The following CLNK variants were observed in gnomAD, a reference collection of about 807,000 sequenced individuals.
CLNK encodes cytokine dependent hematopoietic cell linker.
CLNK carries 74 observed loss-of-function variants against 68.6 expected under a neutral mutation model. The observed-to-expected ratio is 1.08, with a 90% CI of 0.89 to 1.31. The LOEUF is 1.31. Among genes scored for constraint, CLNK ranks in the 50% most tolerant of loss-of-function variants. CLNK has a pLI of 0.00. For missense variants in CLNK, 553 were observed against 515.3 expected (o/e 1.07, Z -0.71); for synonymous variants, 198 against 172.2 (o/e 1.15, Z -1.17).
chr4:10,525,690 C>A (rs949641699), intron 14 of CLNK, 151 bp downstream of exon 14: 2 of 568,416 alleles, frequency 3.5e-6, no homozygotes, highest in Non-Finnish European at 6.3e-6. Context: ...TCAATAACAG[C>A]TGTGATTCAC....
chr4:10,595,875 C>T (rs552708929), intron 3 of CLNK, among the ~76,000 whole-genome samples: 9 of 152,284 alleles, frequency 5.9e-5, no homozygotes, highest in South Asian at 4.2e-4. Context: ...GCACCTAGCA[C>T]ATAGTGAGCA....
intron 6 of CLNK, among the ~76,000 whole-genome samples, chr4:10,565,034 C>A (rs1007050017): frequency 1.3e-5 from 2 of 152,142 alleles, no homozygotes; most frequent in Non-Finnish European, 2.9e-5. Flanking sequence ...TTCTATAAAT[C>A]TTACAAAATT....
chr4:10,630,644 C>G (rs1191090507), intron 2 of CLNK, among the ~76,000 whole-genome samples: 1 of 151,948 alleles, frequency 6.6e-6, no homozygotes, highest in East Asian at 1.9e-4. Flanking sequence ...TTCCAATTTC[C>G]TATCTATCTA....
At chr4:10,531,615 A>G (rs1553847542) in intron 12 of CLNK, 4 of 380,564 alleles carry the variant, frequency 1.1e-5, no homozygotes, top group Non-Finnish European at 2.1e-5. Flanking sequence ...CTAATTTTGT[A>G]TTTTTTGTAG....
intron 2 of CLNK, among the ~76,000 whole-genome samples, chr4:10,641,758 T>A (rs988673920): frequency 6.6e-6 from 1 of 152,200 alleles, no homozygotes; most frequent in Non-Finnish European, 1.5e-5. Context: ...CCAAATCTCA[T>A]CTTGAATTGT....
chr4:10,591,025 T>C (rs1251083082), intron 3 of CLNK, among the ~76,000 whole-genome samples: 1 of 152,176 alleles, frequency 6.6e-6, no homozygotes. Flanking sequence ...GACACATCTC[T>C]CCACCACTCA....
chr4:10,583,167 T>A (rs1221695408), intron 4 of CLNK, among the ~76,000 whole-genome samples: 1 of 152,242 alleles, frequency 6.6e-6, no homozygotes, highest in Non-Finnish European at 1.5e-5. Flanking sequence ...ATATCTTAAT[T>A]AGATCAGGTC....
chr4:10,573,769 G>A (rs948536974), intron 4 of CLNK, among the ~76,000 whole-genome samples: 2 of 152,098 alleles, frequency 1.3e-5, no homozygotes, highest in African/African-American at 4.8e-5. Context: ...CTCACCAGAG[G>A]CGAGCGTTCC....
chr4:10,561,944 C>T (rs1261992408), intron 7 of CLNK, among the ~76,000 whole-genome samples: 3 of 152,082 alleles, frequency 2.0e-5, no homozygotes, highest in Admixed American at 1.3e-4. Flanking sequence ...CTATGGAGAA[C>T]CTCTTACAAA....
the CLNK span, among the ~76,000 whole-genome samples, chr4:10,703,743 C>A: frequency 6.6e-6 from 1 of 152,116 alleles, no homozygotes; most frequent in Non-Finnish European, 1.5e-5. Flanking sequence ...TCCTAGGCAA[C>A]AAATATGTAT....
chr4:10,613,703 G>T (rs79886685), intron 2 of CLNK, among the ~76,000 whole-genome samples: 2 of 152,188 alleles, frequency 1.3e-5, no homozygotes, highest in South Asian at 2.1e-4. Flanking sequence ...AACCCCAGCA[G>T]GAGATGGAAC....
the CLNK span, among the ~76,000 whole-genome samples, chr4:10,699,486 C>A: frequency 6.7e-3 from 441 of 66,124 alleles, 3 homozygotes; most frequent in Non-Finnish European, 1.0e-2. Context: ...CTCTCTCTCT[C>A]TCTCTCTCTA....
intron 11 of CLNK, among the ~76,000 whole-genome samples, chr4:10,533,539 C>T (rs987414099): frequency 2.0e-5 from 3 of 152,138 alleles, no homozygotes; most frequent in African/African-American, 7.2e-5. Context: ...ATCCCAGTGT[C>T]GGATCTGCAA....
the CLNK span, among the ~76,000 whole-genome samples, chr4:10,691,125 G>A: frequency 6.6e-6 from 1 of 152,140 alleles, no homozygotes; most frequent in Non-Finnish European, 1.5e-5. Context: ...AAACCCATGA[G>A]AAGTTCCAAG....
At chr4:10,724,686 A>G in the CLNK span, among the ~76,000 whole-genome samples, 1 of 152,176 alleles carries the variant, frequency 6.6e-6, no homozygotes, top group African/African-American at 2.4e-5. Flanking sequence ...GAATGAATGA[A>G]TTTATTTTAC....
intron 3 of CLNK, among the ~76,000 whole-genome samples, chr4:10,595,418 G>A (rs895084232): frequency 6.6e-6 from 1 of 152,094 alleles, no homozygotes; most frequent in Admixed American, 6.5e-5. Context: ...TGGGTATTGC[G>A]GATTTAGTAG....
At chr4:10,556,449 A>G (rs1177545758) in intron 8 of CLNK, among the ~76,000 whole-genome samples, 1 of 152,248 alleles carries the variant, frequency 6.6e-6, no homozygotes, top group Non-Finnish European at 1.5e-5. Context: ...CAAAGGGTAG[A>G]TAAACATACA....
chr4:10,573,616 G>C (rs1421806885), intron 4 of CLNK, among the ~76,000 whole-genome samples: 1 of 152,136 alleles, frequency 6.6e-6, no homozygotes, highest in Non-Finnish European at 1.5e-5. Context: ...AGAATTATTG[G>C]GGATCTGCTC....
chr4:10,722,532 G>C, the CLNK span, among the ~76,000 whole-genome samples: 2 of 152,232 alleles, frequency 1.3e-5, no homozygotes, highest in African/African-American at 4.8e-5. Context: ...ATAGCAGGGG[G>C]TGAATGACCT....
Sources: allele counts gnomAD v4.1 joint callset (sites outside exome capture counted in the v4.1 genomes callset), GRCh38; gene constraint gnomAD v4.1.1; transcripts MANE v1.5; gene names NCBI Gene and HGNC (gene_info 2026-07-23, HGNC 2026-07-21).